Variants in KIF1A observed in about 807,000 individuals in gnomAD.
KIF1A encodes the protein kinesin family member 1A.
Under a neutral mutation model 227.3 loss-of-function variants are expected in KIF1A, and 46 were observed. The ratio of observed to expected loss-of-function variants is 0.20; its 90% CI spans 0.16 to 0.26. The LOEUF is 0.26. KIF1A is among the 10% of genes least tolerant of loss of function. The pLI, the probability that KIF1A is intolerant of heterozygous loss-of-function variation, is 1.00. For missense variants in KIF1A, 1,683 were observed against 2,485.9 expected (o/e 0.68, Z 6.87); for synonymous variants, 1,022 against 1,012.8 (o/e 1.01, Z -0.17).
chr2:240,730,102 C>T (rs1439583478), intron 38 of KIF1A, among the ~76,000 whole-genome samples: 2 of 152,230 alleles, frequency 1.3e-5, no homozygotes, highest in African/African-American at 4.8e-5. Context: ...CTCCTTAGTC[C>T]CCCTATGCCC....
chr2:240,720,820 C>T, intron 45 of KIF1A, 94 bp downstream of exon 45: 1 of 1,430,148 alleles, frequency 7.0e-7, no homozygotes, highest in Non-Finnish European at 9.3e-7. Flanking sequence ...CCATTGGGGC[C>T]CCCTGTTCTG....
At chr2:240,802,095 A>AG (rs2057022774) in intron 1 of KIF1A, among the ~76,000 whole-genome samples, 1 of 119,948 alleles carries the variant, frequency 8.3e-6, no homozygotes, top group African/African-American at 3.7e-5. Context: ...AAAGTCAGCC[A>AG]GAAAAAAAAA....
In KIF1A at chr2:240,788,666, G is replaced by T. The variant is rs1470772113; in HGVS notation, c.184-436C>A. ...GGGGCACTTTAGGCAGGGGGACAGG[G>T]TGATTAGCTGGGGGTCATCCTGGAA... is the stretch of plus-strand genomic sequence containing the variant. On this transcript the variant is annotated intron_variant, in intron 3 of 48. Coordinates refer to ENST00000498729, the MANE Select transcript of KIF1A (RefSeq NM_001244008.2). The surrounding 1 kb of genome is among the most constrained non-coding windows in gnomAD (Gnocchi z 6.6). Among the ~76,000 whole-genome samples the T allele has an allele frequency of 1.3e-5, 2 of 152,156 alleles. No homozygotes were observed. Among genetic ancestry groups the T allele is most frequent in the Non-Finnish European group, 2.9e-5 (2 of 68,026 alleles).
Position 240,780,564 on chromosome 2 carries a change from C to T in KIF1A, c.882+2026G>A, listed in dbSNP as rs2053525201. On this transcript the variant is annotated intron_variant, in intron 10 of 48. Transcript: ENST00000498729. ...CTCTGCACGGTTCCCTCACATGATT[C>T]CACGTAGCTCCCCACCCTGTGGCAC... Among the ~76,000 whole-genome samples the T allele has an allele frequency of 2.6e-5, 4 of 152,156 alleles. No individual in the cohort carries two copies. The South Asian group carries it at 8.3e-4, about 32-fold the overall frequency.
intron 38 of KIF1A, among the ~76,000 whole-genome samples, chr2:240,732,063 G>A (rs1227104285): frequency 1.1e-5 from 1 of 90,932 alleles, no homozygotes; most frequent in Admixed American, 1.0e-4. Flanking sequence ...GAGGGATGGG[G>A]GAGGAGGGAA....
At position 240,790,277 on chromosome 2, in the gene KIF1A, A is replaced by T. The variant is rs1325443419; in HGVS notation, c.107-965T>A. 6.6e-6 allele frequency among the ~76,000 whole-genome samples: 1 copy of T among 152,166 alleles called. No homozygotes were observed. The highest frequency in any genetic ancestry group is 1.5e-5 in the Non-Finnish European group (1 of 68,032). ...TCCCAGGTTCTCACACCCAGGAGGA[A>T]CACTGGCCATTCCTGGTCAGGGAGC... On this transcript the variant is annotated intron_variant, in intron 2 of 48. Coordinates refer to ENST00000498729, the MANE Select transcript of KIF1A (RefSeq NM_001244008.2). This position sits in a 1 kb window ranked among gnomAD's most constrained non-coding sequence, Gnocchi z 5.0.
At chr2:240,728,090 G>A (rs1212977685) in intron 38 of KIF1A, among the ~76,000 whole-genome samples, 2 of 152,212 alleles carry the variant, frequency 1.3e-5, no homozygotes, top group Non-Finnish European at 2.9e-5. Context: ...AGGCTCCAAG[G>A]CGGCCGGGCC....
At chr2:240,799,851 A>G (rs1318833160) in intron 1 of KIF1A, among the ~76,000 whole-genome samples, 1 of 152,180 alleles carries the variant, frequency 6.6e-6, no homozygotes, top group African/African-American at 2.4e-5. Flanking sequence ...GAAAATATTG[A>G]TGAAAGCAGA....
At position 240,741,638 on chromosome 2, in the gene KIF1A, G is replaced by A. The variant is rs577893181; in HGVS notation, c.3641-261C>T. 8.5e-5 allele frequency among the ~76,000 whole-genome samples: 13 copies of A among 152,288 alleles called. No individual in the cohort carries two copies. The East Asian group carries it at 1.9e-3, about 23-fold the overall frequency. On this transcript the variant is annotated intron_variant, in intron 34 of 48. Coordinates refer to ENST00000498729, the MANE Select transcript of KIF1A (RefSeq NM_001244008.2). ...GAAAGGCACATGGCCATGTACACTCGGCACAGCTCATGAGGAGGACAGTGG... is the reference window on the plus strand; with the variant it reads ...GAAAGGCACATGGCCATGTACACTCAGCACAGCTCATGAGGAGGACAGTGG...
intron 8 of KIF1A, 145 bp downstream of exon 8, chr2:240,783,594 G>A: frequency 1.6e-6 from 1 of 633,576 alleles, no homozygotes; most frequent in Non-Finnish European, 2.7e-6. Flanking sequence ...GGCAGCCCAA[G>A]ACCCCAGCCT....
intron 27 of KIF1A, among the ~76,000 whole-genome samples, chr2:240,755,545 G>C (rs911438784): frequency 1.3e-5 from 2 of 152,234 alleles, no homozygotes; most frequent in Admixed American, 1.3e-4. Context: ...GGCCTGCACA[G>C]CTGCTGCATG....
chr2:240,747,173 T>C lies in KIF1A; in HGVS notation c.3063+63A>G, dbSNP rs947673756. On this transcript the variant is annotated intron_variant, in intron 29 of 48. Coordinates refer to ENST00000498729, the MANE Select transcript of KIF1A (RefSeq NM_001244008.2). ...ACACAGGGGTGTTAGAGGAGCAAAG[T>C]GCACAGGACTCCAGTGAGCGCCAGG... 1.1e-5 allele frequency: 14 copies of C among 1,252,656 alleles called. No individual in the cohort carries two copies. The African/African-American group carries it at 1.3e-4, about 12-fold the overall frequency. 77.6% of individuals were successfully genotyped at this position (1,252,656 alleles called of 1,614,324 possible). A position where few individuals can be genotyped will look rare whatever the true frequency, so the allele number is the denominator to read the frequency against.
intron 32 of KIF1A, among the ~76,000 whole-genome samples, chr2:240,744,276 G>A (rs1406376358): frequency 6.6e-6 from 1 of 152,128 alleles, no homozygotes; most frequent in East Asian, 1.9e-4. Flanking sequence ...TGTCCCTCGG[G>A]CTCTCTCTCC....
rs556335494 is a variant in KIF1A, at chr2:240,714,405, C to T, written c.*2959G>A. On this transcript the variant is annotated 3_prime_UTR_variant, in exon 49 of 49. Coordinates refer to ENST00000498729, the MANE Select transcript of KIF1A (RefSeq NM_001244008.2). ...CCCGGCATCCCCATCTATCTGGAGCCGCAGCGGAAGGAGCTCCCCCTTTCT... is the reference window on the plus strand; with the variant it reads ...CCCGGCATCCCCATCTATCTGGAGCTGCAGCGGAAGGAGCTCCCCCTTTCT... 6.5e-5 allele frequency: 10 copies of T among 152,824 alleles called. No homozygotes were observed. In the East Asian group the frequency reaches 1.3e-3, roughly 20 times the overall value. The allele number at this position is 152,824 out of a possible 1,614,324, so 9.5% of individuals were successfully genotyped here. A position where few individuals can be genotyped will look rare whatever the true frequency, so the allele number is the denominator to read the frequency against.
At position 240,793,404 on chromosome 2, in the gene KIF1A, G is replaced by A. The variant is rs563908948; in HGVS notation, c.107-4092C>T. ...GTGTCACACAGCGAGTAAGTCATGA[G>A]CACAGCCAGGCCCCTCACTCCAGGA... On this transcript the variant is annotated intron_variant, in intron 2 of 48. Coordinates refer to ENST00000498729, the MANE Select transcript of KIF1A (RefSeq NM_001244008.2). This position sits in a 1 kb window ranked among gnomAD's most constrained non-coding sequence, Gnocchi z 4.8. 6.6e-6 allele frequency among the ~76,000 whole-genome samples: 1 copy of A among 152,332 alleles called. No individual in the cohort carries two copies.
chr2:240,766,382 G>A lies in KIF1A; in HGVS notation c.1684+533C>T, dbSNP rs557840488. ...CACCAGGCAATGGGGACAGCCCCAC[G>A]TCATCTCCAGGAGGGAGACCACTGG... On this transcript the variant is annotated intron_variant, in intron 19 of 48. Transcript: ENST00000498729. This position sits in a 1 kb window ranked among gnomAD's most constrained non-coding sequence, Gnocchi z 5.0. Among the ~76,000 whole-genome samples, 6 of 152,348 alleles carry A rather than the reference G, an allele frequency of 3.9e-5. No individual in the cohort carries two copies. The highest frequency in any genetic ancestry group is 3.9e-4 in the East Asian group (2 of 5,176).
intron 10 of KIF1A, among the ~76,000 whole-genome samples, chr2:240,776,878 T>G (rs1023162180): frequency 4.6e-5 from 7 of 152,190 alleles, no homozygotes; most frequent in Admixed American, 1.3e-4. Flanking sequence ...TGAAAGCTCT[T>G]GAGACTCCCA....
chr2:240,742,678 C>A (rs1210915320), intron 34 of KIF1A, among the ~76,000 whole-genome samples: 1 of 152,200 alleles, frequency 6.6e-6, no homozygotes, highest in African/African-American at 2.4e-5. Flanking sequence ...AAGCCCCCGA[C>A]CCTCTTGCTG....
intron 2 of KIF1A, among the ~76,000 whole-genome samples, chr2:240,794,707 T>C (rs2056172373): frequency 6.6e-6 from 1 of 152,216 alleles, no homozygotes; most frequent in Non-Finnish European, 1.5e-5. Context: ...GCAAGCAGCC[T>C]GGTGAGGTCG....
Sources: allele counts gnomAD v4.1 joint callset (sites outside exome capture counted in the v4.1 genomes callset), GRCh38; gene constraint gnomAD v4.1.1; non-coding constraint Gnocchi (gnomAD v3.1); transcripts MANE v1.5; gene names NCBI Gene and HGNC (gene_info 2026-07-23, HGNC 2026-07-21).